Variants in MYT1L observed in about 807,000 individuals in gnomAD.
MYT1L encodes myelin transcription factor 1-like protein.
MYT1L carries 12 observed loss-of-function variants against 126.7 expected under a neutral mutation model. That is an observed-to-expected ratio of 0.09 (90% CI 0.06 to 0.15). MYT1L has a LOEUF of 0.15. Ranked by LOEUF, MYT1L falls within the 10% of genes least tolerant of loss-of-function variation. The pLI, the probability that MYT1L is intolerant of heterozygous loss-of-function variation, is 1.00. For missense variants in MYT1L, 979 were observed against 1,585.2 expected (o/e 0.62, Z 6.49); for synonymous variants, 541 against 604.2 (o/e 0.90, Z 1.53).
chr2:2,278,503 G>A (rs2095400641), intron 2 of MYT1L, among the ~76,000 whole-genome samples: 1 of 152,110 alleles, frequency 6.6e-6, no homozygotes, highest in South Asian at 2.1e-4. Flanking sequence ...AATGTGATTT[G>A]GCCACTGTCG....
chr2:1,845,661 C>G (rs886163549), intron 19 of MYT1L, among the ~76,000 whole-genome samples: 2 of 152,216 alleles, frequency 1.3e-5, no homozygotes. Context: ...CACCTGCCGT[C>G]TCTCAGCAGC....
At chr2:2,296,409 T>A (rs2095694649) in intron 1 of MYT1L, among the ~76,000 whole-genome samples, 1 of 152,234 alleles carries the variant, frequency 6.6e-6, no homozygotes, top group Non-Finnish European at 1.5e-5. Flanking sequence ...TGACAACTAT[T>A]TCCATTTTGA....
intron 8 of MYT1L, among the ~76,000 whole-genome samples, chr2:1,944,787 A>C (rs1235635819): frequency 6.6e-6 from 1 of 152,210 alleles, no homozygotes; most frequent in Non-Finnish European, 1.5e-5. Context: ...ACTCCTGTGT[A>C]CACCATGCAC....
At chr2:2,316,190 C>T (rs1292656937) in intron 1 of MYT1L, among the ~76,000 whole-genome samples, 1 of 152,098 alleles carries the variant, frequency 6.6e-6, no homozygotes, top group African/African-American at 2.4e-5. Flanking sequence ...TTTCCTTTTC[C>T]CACTGTGGGC....
intron 5 of MYT1L, among the ~76,000 whole-genome samples, chr2:1,993,560 A>C (rs2061602600): frequency 6.6e-6 from 1 of 152,202 alleles, no homozygotes; most frequent in Non-Finnish European, 1.5e-5. Flanking sequence ...TATTCCTCAG[A>C]ATATACCTAC....
At chr2:1,981,852 C>T (rs1010463725) in intron 5 of MYT1L, among the ~76,000 whole-genome samples, 1 of 152,174 alleles carries the variant, frequency 6.6e-6, no homozygotes, top group Non-Finnish European at 1.5e-5. Flanking sequence ...GCATCTGTGG[C>T]TTAGTCCCAT....
At chr2:2,226,040 G>A (rs1265698825) in intron 2 of MYT1L, among the ~76,000 whole-genome samples, 2 of 152,078 alleles carry the variant, frequency 1.3e-5, no homozygotes, top group Non-Finnish European at 2.9e-5. Flanking sequence ...CCACCAGAGG[G>A]GTGGGGATGA....
chr2:2,027,525 C>T (rs780538235), intron 4 of MYT1L, among the ~76,000 whole-genome samples: 16 of 152,202 alleles, frequency 1.1e-4, no homozygotes, highest in Admixed American at 7.8e-4. Flanking sequence ...TGTAGAATAG[C>T]GTTGTCAAGA....
chr2:2,216,661 G>C (rs1194323986), intron 2 of MYT1L, among the ~76,000 whole-genome samples: 2 of 152,010 alleles, frequency 1.3e-5, no homozygotes, highest in Non-Finnish European at 1.5e-5. Context: ...AAATTATAAA[G>C]ATCAGCACAA....
chr2:2,147,821 GA>G (rs2085114134), intron 3 of MYT1L, among the ~76,000 whole-genome samples: 1 of 152,354 alleles, frequency 6.6e-6, no homozygotes, highest in South Asian at 2.1e-4. Flanking sequence ...CCCCGCAGCA[GA>G]CGGCAGATCA....
chr2:1,859,579 G>C (rs1360422652), intron 18 of MYT1L, among the ~76,000 whole-genome samples: 1 of 152,208 alleles, frequency 6.6e-6, no homozygotes, highest in Non-Finnish European at 1.5e-5. Context: ...GAGTGAAGAA[G>C]CATTATTAGT....
chr2:2,251,361 T>C (rs894618474), intron 2 of MYT1L, among the ~76,000 whole-genome samples: 3 of 152,222 alleles, frequency 2.0e-5, no homozygotes, highest in Non-Finnish European at 4.4e-5. Context: ...TTCACTCTCC[T>C]GCCCTTGCAA....
intron 8 of MYT1L, among the ~76,000 whole-genome samples, chr2:1,963,662 C>T (rs1310226203): frequency 6.6e-6 from 1 of 152,214 alleles, no homozygotes; most frequent in African/African-American, 2.4e-5. Flanking sequence ...TGCTACTTTA[C>T]CTTGTACTTT....
intron 2 of MYT1L, among the ~76,000 whole-genome samples, chr2:2,249,860 A>G (rs1442154135): frequency 2.0e-5 from 3 of 152,198 alleles, no homozygotes; most frequent in Admixed American, 6.5e-5. Flanking sequence ...AAAAATGGGC[A>G]AAAGATTTGA....
chr2:2,291,951 G>A (rs887498043), intron 1 of MYT1L, among the ~76,000 whole-genome samples: 1 of 152,222 alleles, frequency 6.6e-6, no homozygotes, highest in Non-Finnish European at 1.5e-5. Context: ...AGGAGCGCTC[G>A]ACAGCCCGCA....
intron 10 of MYT1L, among the ~76,000 whole-genome samples, chr2:1,921,896 C>G (rs973654010): frequency 1.3e-5 from 2 of 152,146 alleles, no homozygotes; most frequent in Admixed American, 1.3e-4. Flanking sequence ...TGTGCTTTAT[C>G]TCGGATTGAC....
Position 1,847,466 on chromosome 2 carries a change from C to T in MYT1L, c.2774+4175G>A, listed in dbSNP as rs370962555. Reference sequence around the variant, plus strand: ...GCTGCTTGCCTGATCCTATGAAAAACGCATGTGGGACGGCTGCGCAGAGAG... The same window carrying T: ...GCTGCTTGCCTGATCCTATGAAAAATGCATGTGGGACGGCTGCGCAGAGAG... On this transcript the variant is annotated intron_variant, in intron 19 of 24. Transcript: ENST00000647738. 4.1e-4 allele frequency among the ~76,000 whole-genome samples: 62 copies of T among 152,176 alleles called. 1 individual carries two copies. The South Asian group carries it at 0.012, about 30-fold the overall frequency.
At chr2:2,193,602 C>T (rs1033767186) in intron 2 of MYT1L, among the ~76,000 whole-genome samples, 5 of 152,164 alleles carry the variant, frequency 3.3e-5, no homozygotes, top group African/African-American at 1.2e-4. Context: ...ACCATACAAT[C>T]TATAATCTCA....
At chr2:1,894,461 G>A (rs561689507) in intron 14 of MYT1L, among the ~76,000 whole-genome samples, 177 of 152,262 alleles carry the variant, frequency 1.2e-3, no homozygotes, top group African/African-American at 4.1e-3. Context: ...TGATACTTTG[G>A]ATATGAACTA....
Sources: allele counts gnomAD v4.1 joint callset (sites outside exome capture counted in the v4.1 genomes callset), GRCh38; gene constraint gnomAD v4.1.1; transcripts MANE v1.5; gene names NCBI Gene and HGNC (gene_info 2026-07-23, HGNC 2026-07-21).